TPR: variants seen among roughly 807,000 people sequenced by gnomAD.
TPR encodes the protein nucleoprotein TPR.
A neutral mutation model predicts 316.1 loss-of-function variants in TPR; 51 were observed. The observed-to-expected ratio is 0.16, with a 90% CI of 0.13 to 0.20. The LOEUF (loss-of-function observed/expected upper bound fraction) is 0.20, where lower values mean the gene tolerates loss of function less well. Ranked by LOEUF, TPR falls within the 10% of genes least tolerant of loss-of-function variation. The probability of loss-of-function intolerance (pLI) is 1.00; values close to 1 mark genes in which losing one functional copy is unlikely to be tolerated. For synonymous variants in TPR, 981 were observed against 914.7 expected (o/e 1.07, Z -1.31); for missense variants, 2,272 against 2,754.8 (o/e 0.82, Z 3.92).
Position 186,369,780 on chromosome 1 carries a change from A to G in TPR, c.330+1190T>C, listed in dbSNP as rs540313220. 2.0e-5 allele frequency among the ~76,000 whole-genome samples: 3 copies of G among 152,276 alleles called. No homozygotes were observed. In the South Asian group the frequency reaches 6.2e-4, roughly 32 times the overall value. ...TGCTGGTACGTCCAGTACTATACTG[A>G]ATACAAGTGGTGAGTGGGCATCCCA... On this transcript the variant is annotated intron_variant, in intron 3 of 50. Coordinates refer to ENST00000367478, the MANE Select transcript of TPR (RefSeq NM_003292.3).
rs1201795459 is a variant in TPR, at chr1:186,311,775, C to A, written c.*2196G>T. ...TTGCCCTCAATTTTTATTTTCATTT[C>A]TTCACAGGCAAGTCACAATTCATTT... On this transcript the variant is annotated 3_prime_UTR_variant, in exon 51 of 51. Coordinates refer to ENST00000367478, the MANE Select transcript of TPR (RefSeq NM_003292.3). 2 of 677,718 alleles carry A rather than the reference C, an allele frequency of 3.0e-6. No individual in the cohort carries two copies. Among genetic ancestry groups the A allele is most frequent in the Non-Finnish European group, 4.9e-6 (2 of 409,914 alleles). 42.0% of individuals were successfully genotyped at this position (677,718 alleles called of 1,614,324 possible). A position where few individuals can be genotyped will look rare whatever the true frequency, so the allele number is the denominator to read the frequency against.
chr1:186,355,694 C>A lies in TPR; in HGVS notation c.1963G>T (p.Ala655Ser). 1 of 1,614,032 alleles carries A rather than the reference C, an allele frequency of 6.2e-7. No individual in the cohort carries two copies. The highest frequency in any genetic ancestry group is 8.5e-7 in the Non-Finnish European group (1 of 1,179,998). ...GTTGATTCAATAACAGGTACTGGAG[C>A]AGGAGTGGAAACAGTCTGTGATGTA... is the stretch of plus-strand genomic sequence containing the variant. ...PSTSQTVSTP[A>S]PVPVIESTEA... Residue 655 changes from alanine to serine, a missense_variant, in exon 16 of 51, where the codon GCT becomes TCT. Transcript: ENST00000367478.
intron 24 of TPR, among the ~76,000 whole-genome samples, chr1:186,344,794 CT>C (rs1553229927): frequency 6.6e-6 from 1 of 152,102 alleles, no homozygotes; most frequent in Non-Finnish European, 1.5e-5. Context: ...TTTGGACAAA[CT>C]TTTTGATATA....
Position 186,344,596 on chromosome 1 carries a change from C to T in TPR, c.3214-18G>A, listed in dbSNP as rs1658619593. On this transcript the variant is annotated intron_variant, in intron 24 of 50. Coordinates refer to ENST00000367478, the MANE Select transcript of TPR (RefSeq NM_003292.3). ...ATTTTAGCCTATAAGAAATTATTAC[C>T]CAATTGATACCAAAGATTAAAAATC... 3.4e-6 allele frequency: 5 copies of T among 1,463,934 alleles called. No homozygotes were observed. Among genetic ancestry groups the T allele is most frequent in the South Asian group, 1.6e-5 (1 of 63,658 alleles). The allele number at this position is 1,463,934 out of a possible 1,614,324, so 90.7% of individuals were successfully genotyped here.
At position 186,338,248 on chromosome 1, in the gene TPR, A is replaced by T; in HGVS notation, c.4152-5T>A. The stretch of plus-strand genomic sequence containing the variant: ...TTAGTCAAAGATGCATTTGATCTTT[A>T]AAAAATGGAGGAAAGAAGAAAGATT... On this transcript the variant is annotated splice_polypyrimidine_tract_variant and splice_region_variant and intron_variant, in intron 30 of 50. Transcript: ENST00000367478. 1 of 1,590,550 alleles carries T rather than the reference A, an allele frequency of 6.3e-7. No individual in the cohort carries two copies. Among genetic ancestry groups the T allele is most frequent in the Non-Finnish European group, 8.5e-7 (1 of 1,171,406 alleles).
intron 50 of TPR, 91 bp from the exon 51 acceptor site, chr1:186,314,117 T>A: frequency 8.2e-7 from 1 of 1,226,700 alleles, no homozygotes; most frequent in Non-Finnish European, 1.2e-6. Context: ...AAAAAATATC[T>A]AGGCATTGTG....
Position 186,361,817 on chromosome 1 carries a change from G to A in TPR, c.842C>T (p.Ala281Val), listed in dbSNP as rs1212765801. The change falls in exon 8 of 51, where the codon GCC becomes GTC. Residue 281 changes from alanine to valine, a missense_variant. This residue lies in a region of TPR where 549 missense variants were observed against 598.6 expected (regional missense o/e 0.92). Transcript: ENST00000367478. The stretch of plus-strand genomic sequence containing the variant: ...GTACAAATTAGAAAGTTTTATGTGG[G>A]CATTTAATTCATTGTGGAATTTCTC... ...MEEKFHNELN[A>V]HIKLSNLYKS... 6.2e-7 allele frequency: 1 copy of A among 1,613,012 alleles called. No individual in the cohort carries two copies. Among genetic ancestry groups the A allele is most frequent in the Non-Finnish European group, 8.5e-7 (1 of 1,179,276 alleles).
In TPR at chr1:186,317,497, A is replaced by G. The variant is rs759507269; in HGVS notation, c.6925T>C (p.Ser2309Pro). 1.4e-5 allele frequency: 23 copies of G among 1,614,010 alleles called. No individual in the cohort carries two copies. The highest frequency in any genetic ancestry group is 4.5e-5 in the East Asian group (2 of 44,882). The change falls in exon 49 of 51, where the codon TCT (serine) becomes CCT (proline). Residue 2309 changes from serine to proline, a missense_variant. This residue lies in a region of TPR where 123 missense variants were observed against 142.3 expected (regional missense o/e 0.86). Coordinates refer to ENST00000367478, the MANE Select transcript of TPR (RefSeq NM_003292.3). ...AGGGACTCACCTACAGATGAGCTAGAAGGAGGATCCTGGCTGGTGGAGGGG... is the reference window on the plus strand; with the variant it reads ...AGGGACTCACCTACAGATGAGCTAGGAGGAGGATCCTGGCTGGTGGAGGGG... ...DLPSTSQDPPSSSSVDTSSSQ... is the reference protein window; with the variant it reads ...DLPSTSQDPPPSSSVDTSSSQ...
At chr1:186,352,273 A>G (rs1408893666) in intron 18 of TPR, among the ~76,000 whole-genome samples, 163 bp from the exon 19 acceptor site, 1 of 152,184 alleles carries the variant, frequency 6.6e-6, no homozygotes, top group Non-Finnish European at 1.5e-5. Flanking sequence ...TTCATGTGCT[A>G]AAATACGAAG....
chr1:186,329,243 G>A (rs969332379), intron 39 of TPR, among the ~76,000 whole-genome samples: 1 of 152,116 alleles, frequency 6.6e-6, no homozygotes, highest in African/African-American at 2.4e-5. Context: ...CTGACAAGAA[G>A]GCAGAAAATC....
chr1:186,325,624 A>C (rs1295305210), intron 42 of TPR, 140 bp downstream of exon 42: 1 of 637,314 alleles, frequency 1.6e-6, no homozygotes, highest in African/African-American at 1.8e-5. Flanking sequence ...TTATGAGAGC[A>C]CAACAGTCAC....
At chr1:186,371,369 T>C (rs191823868) in intron 2 of TPR, among the ~76,000 whole-genome samples, 3 of 152,196 alleles carry the variant, frequency 2.0e-5, no homozygotes, top group Admixed American at 2.0e-4. Context: ...AACAGTGAAC[T>C]GTACTTAGCA....
chr1:186,353,877 G>GT, intron 17 of TPR, 27 bp from the exon 18 acceptor site: 1 of 1,602,516 alleles, frequency 6.2e-7, no homozygotes, highest in South Asian at 1.1e-5. Flanking sequence ...AATTCTACAA[G>GT]TAACTGAAAT....
At chr1:186,338,339 CTT>C in intron 30 of TPR, 96 bp from the exon 31 acceptor site, 3 of 958,044 alleles carry the variant, frequency 3.1e-6, no homozygotes, top group Non-Finnish European at 4.4e-6. Context: ...GCTTTAATAA[CTT>C]TTTTTTTTGA....
Position 186,320,413 on chromosome 1 carries a change from G to A in TPR, c.6467C>T (p.Pro2156Leu). ...GAATCTAGGGACACCAGCAACCTGC[G>A]GCGAACTAAATGGACAAAAACTAAT... ...TDGFAEAIHSPQVAGVPRFRF... is the reference protein window; with the variant it reads ...TDGFAEAIHSLQVAGVPRFRF... The change falls in exon 46 of 51, where the codon CCG (proline) becomes CTG (leucine). Residue 2156 changes from proline (P) to leucine (L), a missense_variant. This residue lies in a region of TPR where 88 missense variants were observed against 176.2 expected (regional missense o/e 0.50). Coordinates refer to ENST00000367478, the MANE Select transcript of TPR (RefSeq NM_003292.3). 2 of 1,606,638 alleles carry A rather than the reference G, an allele frequency of 1.2e-6. No individual in the cohort carries two copies. The highest frequency in any genetic ancestry group is 1.7e-6 in the Non-Finnish European group (2 of 1,175,964).
At chr1:186,360,684 ATACTATTAG>A in intron 10 of TPR, 72 bp downstream of exon 10, 1 of 1,557,720 alleles carries the variant, frequency 6.4e-7, no homozygotes, top group Non-Finnish European at 8.7e-7. Flanking sequence ...TGACAGATAA[ATACTATTAG>A]TGAAATTAAA....
intron 4 of TPR, 116 bp from the exon 5 acceptor site, chr1:186,363,561 C>G (rs1401547212): frequency 2.3e-5 from 15 of 642,500 alleles, no homozygotes; most frequent in Non-Finnish European, 3.7e-5. Context: ...ACAGCTGGCC[C>G]TTGAATAACA....
rs1320890556 is a variant in TPR at position 186,344,412 on chromosome 1, C to T, written c.3380G>A (p.Cys1127Tyr). Residue 1127 changes from cysteine to tyrosine, a missense_variant, in exon 25 of 51, where the codon TGT becomes TAT. Coordinates refer to ENST00000367478, the MANE Select transcript of TPR (RefSeq NM_003292.3). ...CTCTCTTTCCTCCCAAGATGCTTTA[C>T]ACTCCAACAACTGTGATTCTGCTTT... ...TQKAESQLLECKASWEERERM... is the reference protein window; with the variant it reads ...TQKAESQLLEYKASWEERERM... 1.2e-6 allele frequency: 2 copies of T among 1,614,158 alleles called. No homozygotes were observed. Among genetic ancestry groups the T allele is most frequent in the Non-Finnish European group, 1.7e-6 (2 of 1,180,010 alleles).
chr1:186,338,878 T>A (rs1438320770), intron 30 of TPR, among the ~76,000 whole-genome samples: 8 of 152,178 alleles, frequency 5.3e-5, no homozygotes, highest in Admixed American at 5.2e-4. Context: ...TCTTTTTGAA[T>A]CTTAGGCTCC....
Sources: gnomAD v4.1 joint callset for allele counts (sites outside exome capture counted in the v4.1 genomes callset) on GRCh38, gnomAD v4.1.1 for gene constraint, gnomAD v4.1.1 regional missense constraint, MANE v1.5 for transcripts, NCBI Gene and HGNC (gene_info 2026-07-23, HGNC 2026-07-21) for gene names.